GOT1: variants seen among roughly 807,000 people sequenced by gnomAD.
The protein encoded by GOT1 is glutamic-oxaloacetic transaminase 1.
Under a neutral mutation model 48.2 loss-of-function variants are expected in GOT1, and 25 were observed. The observed-to-expected ratio is 0.52, with a 90% CI of 0.38 to 0.72. The LOEUF (loss-of-function observed/expected upper bound fraction) is 0.72, where lower values mean the gene tolerates loss of function less well. Ranked by LOEUF, GOT1 falls within the 30% of genes least tolerant of loss-of-function variation. The pLI, the probability that GOT1 is intolerant of heterozygous loss-of-function variation, is 0.00. For missense variants in GOT1, 380 were observed against 520.1 expected (o/e 0.73, Z 2.62); for synonymous variants, 188 against 193.8 (o/e 0.97, Z 0.25).
chr10:99,403,936 C>A (rs2032720006), intron 5 of GOT1, 62 bp from the exon 6 acceptor site: 4 of 1,527,216 alleles, frequency 2.6e-6, no homozygotes, highest in South Asian at 2.3e-5. Context: ...CAGACACCGG[C>A]CTTCCTTCCC....
intron 8 of GOT1, among the ~76,000 whole-genome samples, 188 bp downstream of exon 8, chr10:99,402,392 C>A (rs1317324842): frequency 6.6e-6 from 1 of 152,226 alleles, no homozygotes; most frequent in Non-Finnish European, 1.5e-5. Flanking sequence ...CCACAATACT[C>A]TTCTGAGACC....
In GOT1 at chr10:99,397,428, G is replaced by T; in HGVS notation, c.*119C>A. On this transcript the variant is annotated 3_prime_UTR_variant, in exon 9 of 9. Coordinates refer to ENST00000370508, the MANE Select transcript of GOT1 (RefSeq NM_002079.3). The surrounding 1 kb of genome is among the most constrained non-coding windows in gnomAD (Gnocchi z 5.4). ...GGTTTAAACAGAGGCTGCCTCACCA[G>T]AGCAGCCTTTCAGTCCTGCAAGTGT... The T allele has an allele frequency of 9.3e-7, 1 of 1,073,668 alleles. No homozygotes were observed. The highest frequency in any genetic ancestry group is 1.4e-6 in the Non-Finnish European group (1 of 709,336). The allele number at this position is 1,073,668 out of a possible 1,614,324, so 66.5% of individuals were successfully genotyped here.
intron 3 of GOT1, 141 bp downstream of exon 3, chr10:99,406,585 C>T (rs1198515899): frequency 9.4e-6 from 7 of 744,180 alleles, no homozygotes; most frequent in Non-Finnish European, 1.6e-5. Flanking sequence ...TTCTCATGCA[C>T]TGCCATAACC....
chr10:99,420,531 G>C, intron 2 of GOT1, 93 bp downstream of exon 2: 2 of 942,624 alleles, frequency 2.1e-6, no homozygotes, highest in Non-Finnish European at 3.2e-6. Context: ...CAGTTCAATA[G>C]ACATAACGCC....
chr10:99,418,345 C>T (rs1175619084), intron 2 of GOT1, among the ~76,000 whole-genome samples: 1 of 151,930 alleles, frequency 6.6e-6, no homozygotes, highest in African/African-American at 2.4e-5. Context: ...AGCATCTGCC[C>T]AACATAGTTA....
At chr10:99,405,682 A>G in intron 5 of GOT1, 74 bp downstream of exon 5, 1 of 761,470 alleles carries the variant, frequency 1.3e-6, no homozygotes, top group South Asian at 1.5e-5. Flanking sequence ...CAAACAGCAA[A>G]CAGGTATTGC....
intron 2 of GOT1, among the ~76,000 whole-genome samples, chr10:99,407,432 A>AT (rs397943359): frequency 0.12 from 16,319 of 140,230 alleles, 1,070 homozygotes; most frequent in African/African-American, 0.18. Flanking sequence ...GCTTCCTCTC[A>AT]TTTTTTTTTT....
At chr10:99,427,294 A>G (rs1335316426) in intron 1 of GOT1, among the ~76,000 whole-genome samples, 2 of 152,096 alleles carry the variant, frequency 1.3e-5, no homozygotes, top group African/African-American at 2.4e-5. Flanking sequence ...TTTGAGACGG[A>G]GTCTCACTCT....
At chr10:99,400,405 G>A (rs2032656652) in intron 8 of GOT1, among the ~76,000 whole-genome samples, 1 of 152,026 alleles carries the variant, frequency 6.6e-6, no homozygotes, top group Admixed American at 6.6e-5. Context: ...CAGCACCTTG[G>A]GAGACCGAGG....
At chr10:99,423,367 T>A (rs1168324257) in intron 1 of GOT1, among the ~76,000 whole-genome samples, 1 of 152,224 alleles carries the variant, frequency 6.6e-6, no homozygotes, top group African/African-American at 2.4e-5. Context: ...TTTACACATA[T>A]TCATGAGTGT....
chr10:99,398,381 T>C (rs1452209530), intron 8 of GOT1, among the ~76,000 whole-genome samples: 1 of 152,214 alleles, frequency 6.6e-6, no homozygotes, highest in African/African-American at 2.4e-5. Flanking sequence ...AGAATTTTAG[T>C]GAATTTGGCT....
At chr10:99,401,953 G>A (rs184251154) in intron 8 of GOT1, among the ~76,000 whole-genome samples, 36 of 151,852 alleles carry the variant, frequency 2.4e-4, no homozygotes, top group Admixed American at 1.6e-3. Flanking sequence ...GACTACAGGC[G>A]CCTGCCACCA....
rs76850691 is a variant in GOT1 at position 99,397,681 on chromosome 10, G to A, written c.1108C>T (p.Gln370Ter). 1 of 1,614,018 alleles carries A rather than the reference G, an allele frequency of 6.2e-7. No individual in the cohort carries two copies. The highest frequency in any genetic ancestry group is 1.7e-5 in the Admixed American group (1 of 60,024). ...MFSFTGLNPKQVEYLVNEKHI... is the reference protein window; with the variant it reads ...MFSFTGLNPK ...TTTTCATTGACCAGATACTCAACCT[G>A]CTTGGCTGTTGAAAACCAAAAGAAG... Residue 370 changes from glutamine (Q) to a stop codon, truncating the protein, a stop_gained, in exon 9 of 9, where the codon CAG becomes TAG. Transcript: ENST00000370508. LOFTEE classifies it high-confidence loss of function. The surrounding 1 kb of genome is among the most constrained non-coding windows in gnomAD (Gnocchi z 5.4).
At chr10:99,405,161 T>G (rs1198353078) in intron 5 of GOT1, among the ~76,000 whole-genome samples, 3 of 152,158 alleles carry the variant, frequency 2.0e-5, no homozygotes, top group African/African-American at 7.2e-5. Flanking sequence ...TCCCACAGTG[T>G]CCAATACACA....
At chr10:99,413,965 G>A (rs1041462544) in intron 2 of GOT1, among the ~76,000 whole-genome samples, 73 of 152,230 alleles carry the variant, frequency 4.8e-4, no homozygotes, top group African/African-American at 1.4e-3. Context: ...AGGAACAACC[G>A]GTACCAGCCA....
rs1295664955 is a variant in GOT1 at position 99,397,359 on chromosome 10, A to G, written c.*188T>C. 1 of 647,474 alleles carries G rather than the reference A, an allele frequency of 1.5e-6. No homozygotes were observed. The highest frequency in any genetic ancestry group is 1.8e-5 in the African/African-American group (1 of 55,486). The allele number at this position is 647,474 out of a possible 1,614,324, so 40.1% of individuals were successfully genotyped here. On this transcript the variant is annotated 3_prime_UTR_variant, in exon 9 of 9. Coordinates refer to ENST00000370508, the MANE Select transcript of GOT1 (RefSeq NM_002079.3). This position sits in a 1 kb window ranked among gnomAD's most constrained non-coding sequence, Gnocchi z 5.4. ...TTTGACCTCCAAAGGCTCTAATCCC[A>G]GTCTCCAAATTCGTCTCAAGGGATG...
At chr10:99,406,282 T>A in intron 3 of GOT1, 33 bp from the exon 4 acceptor site, 1 of 1,464,748 alleles carries the variant, frequency 6.8e-7, no homozygotes, top group South Asian at 1.1e-5. Flanking sequence ...TTAAGCACTT[T>A]ACAAACACTA....
chr10:99,428,319 T>C (rs1282494222), intron 1 of GOT1, among the ~76,000 whole-genome samples: 1 of 152,300 alleles, frequency 6.6e-6, no homozygotes, highest in Non-Finnish European at 1.5e-5. Context: ...CAAAGGTAAA[T>C]TGAATTAATA....
intron 7 of GOT1, among the ~76,000 whole-genome samples, chr10:99,403,235 A>T (rs1213443801): frequency 1.3e-5 from 2 of 151,940 alleles, no homozygotes; most frequent in Non-Finnish European, 2.9e-5. Context: ...TGGGGGGGGA[A>T]ATTGGGGAAA....
Sources: allele counts gnomAD v4.1 joint callset (sites outside exome capture counted in the v4.1 genomes callset), GRCh38; gene constraint gnomAD v4.1.1; non-coding constraint Gnocchi (gnomAD v3.1); transcripts MANE v1.5; gene names NCBI Gene and HGNC (gene_info 2026-07-23, HGNC 2026-07-21).